UBE2W: variants seen among roughly 807,000 people sequenced by gnomAD.
The protein encoded by UBE2W is ubiquitin-conjugating enzyme E2 W.
A neutral mutation model predicts 27.2 loss-of-function variants in UBE2W; 18 were observed. That is an observed-to-expected ratio of 0.66 (90% CI 0.46 to 0.98). UBE2W has a LOEUF of 0.98. UBE2W is among the 50% of genes least tolerant of loss of function. The pLI, the probability that UBE2W is intolerant of heterozygous loss-of-function variation, is 0.00. For synonymous variants in UBE2W, 53 were observed against 57.2 expected (o/e 0.93, Z 0.33); for missense variants, 90 against 180.2 (o/e 0.50, Z 2.87).
chr8:73,857,476 G>C (rs528426631), intron 1 of UBE2W, among the ~76,000 whole-genome samples: 1 of 142,386 alleles, frequency 7.0e-6, no homozygotes, highest in African/African-American at 2.5e-5. Flanking sequence ...GAGTATGTAA[G>C]ATCAGTATTT....
chr8:73,805,929 T>C (rs1808885028), intron 4 of UBE2W, among the ~76,000 whole-genome samples: 1 of 152,152 alleles, frequency 6.6e-6, no homozygotes, highest in Non-Finnish European at 1.5e-5. Context: ...ATAATAAGCG[T>C]GTTTGAGTGT....
At chr8:73,803,982 G>C (rs1260998713) in intron 5 of UBE2W, among the ~76,000 whole-genome samples, 1 of 151,634 alleles carries the variant, frequency 6.6e-6, no homozygotes, top group Non-Finnish European at 1.5e-5. Context: ...TAGCCAGGAT[G>C]GTCTCAATCT....
chr8:73,804,171 T>C (rs894875442), intron 5 of UBE2W, among the ~76,000 whole-genome samples: 3 of 151,842 alleles, frequency 2.0e-5, no homozygotes, highest in Non-Finnish European at 4.4e-5. Flanking sequence ...TTTAATTCAC[T>C]CAATTTAGGT....
chr8:73,873,930 A>T (rs150898940), intron 1 of UBE2W, among the ~76,000 whole-genome samples: 1 of 152,332 alleles, frequency 6.6e-6, no homozygotes, highest in East Asian at 1.9e-4. Flanking sequence ...ACTTTCTAAG[A>T]TCTTAAGACA....
intron 1 of UBE2W, among the ~76,000 whole-genome samples, chr8:73,842,528 C>CAA (rs759063478): frequency 0.019 from 188 of 9,676 alleles, 58 homozygotes; most frequent in African/African-American, 0.022. Context: ...GACTCCGTCT[C>CAA]AAAAAAAAAA....
At chr8:73,804,786 A>C (rs1808800538) in intron 5 of UBE2W, among the ~76,000 whole-genome samples, 2 of 151,750 alleles carry the variant, frequency 1.3e-5, no homozygotes, top group African/African-American at 2.4e-5. Flanking sequence ...GCTGGAGTAG[A>C]GTAGCGTGAT....
chr8:73,798,078 AG>A, intron 5 of UBE2W, among the ~76,000 whole-genome samples: 1 of 152,318 alleles, frequency 6.6e-6, no homozygotes, highest in Middle Eastern at 3.4e-3. Flanking sequence ...GCTTGAGTCC[AG>A]GAATTTGAGA....
intron 4 of UBE2W, among the ~76,000 whole-genome samples, chr8:73,809,829 T>A (rs1171925360): frequency 6.6e-6 from 1 of 152,168 alleles, no homozygotes; most frequent in African/African-American, 2.4e-5. Flanking sequence ...TTCACCTGCC[T>A]AGGCCTTCTA....
At chr8:73,832,145 A>G (rs1810094674) in intron 1 of UBE2W, among the ~76,000 whole-genome samples, 1 of 150,470 alleles carries the variant, frequency 6.6e-6, no homozygotes, top group South Asian at 2.1e-4. Flanking sequence ...AAATATATAT[A>G]TATATATTAG....
chr8:73,792,156 A>G lies in UBE2W; in HGVS notation c.*1946T>C. On this transcript the variant is annotated 3_prime_UTR_variant, in exon 6 of 6. Coordinates refer to ENST00000602593, the MANE Select transcript of UBE2W (RefSeq NM_018299.6). Reference sequence around the variant, plus strand: ...CAGCTGCAATTTTCATATTAAAAGCAGTTTAAAACTATGAGTAATTCAAAG... The same window carrying G: ...CAGCTGCAATTTTCATATTAAAAGCGGTTTAAAACTATGAGTAATTCAAAG... The G allele has an allele frequency of 3.0e-6, 3 of 985,510 alleles. No homozygotes were observed. Among genetic ancestry groups the G allele is most frequent in the Non-Finnish European group, 3.6e-6 (3 of 829,818 alleles). The allele number at this position is 985,510 out of a possible 1,614,324, so 61.0% of individuals were successfully genotyped here.
At chr8:73,814,863 G>A (rs1418795156) in intron 3 of UBE2W, among the ~76,000 whole-genome samples, 2 of 152,122 alleles carry the variant, frequency 1.3e-5, no homozygotes, top group Non-Finnish European at 2.9e-5. Flanking sequence ...AACATCTCCC[G>A]AGCAGTATGG....
intron 4 of UBE2W, among the ~76,000 whole-genome samples, chr8:73,806,443 TA>T (rs1236212741): frequency 6.8e-6 from 1 of 147,420 alleles, no homozygotes; most frequent in Non-Finnish European, 1.5e-5. Context: ...CTCACGCCTG[TA>T]ATCCCAGCAC....
rs911386663 is a variant in UBE2W, at chr8:73,792,790, A to AT, written c.*1311dup. On this transcript the variant is annotated 3_prime_UTR_variant, in exon 6 of 6. Coordinates refer to ENST00000602593, the MANE Select transcript of UBE2W (RefSeq NM_018299.6). ...GTACTGAGAACTGGACCTTTCAACA[A>AT]TTTTTTTTTTCTATAGAAAGTTTCA... 4.1e-4 allele frequency: 380 copies of AT among 928,826 alleles called. No individual in the cohort carries two copies. The highest frequency in any genetic ancestry group is 5.6e-4 in the Middle Eastern group (1 of 1,790). The allele number at this position is 928,826 out of a possible 1,614,324, so 57.5% of individuals were successfully genotyped here. A position where few individuals can be genotyped will look rare whatever the true frequency, so the allele number is the denominator to read the frequency against.
chr8:73,875,832 C>T (rs1812195322), intron 1 of UBE2W, among the ~76,000 whole-genome samples: 1 of 152,166 alleles, frequency 6.6e-6, no homozygotes, highest in African/African-American at 2.4e-5. Flanking sequence ...AGTGGATCGC[C>T]TGAGGTCAGG....
In UBE2W at chr8:73,792,051, T is replaced by C; in HGVS notation, c.*2051A>G. On this transcript the variant is annotated 3_prime_UTR_variant, in exon 6 of 6. Transcript: ENST00000602593. ...AGAGAACCAGCAATATGGAGACAGA[T>C]TTCTCCCTAACCCCCAGAAGAAGAT... 1.0e-6 allele frequency: 1 copy of C among 985,254 alleles called. No individual in the cohort carries two copies. The highest frequency in any genetic ancestry group is 1.2e-6 in the Non-Finnish European group (1 of 829,790). 61.0% of individuals were successfully genotyped at this position (985,254 alleles called of 1,614,324 possible).
chr8:73,829,848 T>A (rs529455346), intron 2 of UBE2W, among the ~76,000 whole-genome samples: 1 of 152,310 alleles, frequency 6.6e-6, no homozygotes, highest in South Asian at 2.1e-4. Context: ...TAGAGGTTTT[T>A]TTTAAGTGGA....
chr8:73,783,967 T>C (rs550803399), downstream of UBE2W, among the ~76,000 whole-genome samples: 2 of 152,172 alleles, frequency 1.3e-5, no homozygotes, highest in Admixed American at 1.3e-4. Flanking sequence ...GCTAGGCTGA[T>C]CTCAAACTCC....
In UBE2W at chr8:73,853,754, A is replaced by G. The variant is rs116707042; in HGVS notation, c.16-23282T>C. 2.6e-3 allele frequency among the ~76,000 whole-genome samples: 403 copies of G among 152,336 alleles called. 1 individual carries two copies. Among genetic ancestry groups the G allele is most frequent in the African/African-American group, 9.4e-3 (391 of 41,584 alleles). On this transcript the variant is annotated intron_variant, in intron 1 of 5. Coordinates refer to ENST00000602593, the MANE Select transcript of UBE2W (RefSeq NM_018299.6). ...GCTTAAAGTTCCAAATAAACATATTAAAGTAGTATTAATATTCACAGATGA... is the reference window on the plus strand; with the variant it reads ...GCTTAAAGTTCCAAATAAACATATTGAAGTAGTATTAATATTCACAGATGA...
In UBE2W at chr8:73,810,862, C is replaced by T. The variant is rs142350792; in HGVS notation, c.211-233G>A. On this transcript the variant is annotated intron_variant, in intron 3 of 5. Transcript: ENST00000602593. ...AAAGATGCCAAATTATTTTTTATTT[C>T]GGTTATTTTTGATAAATTCTCCTTA... is the stretch of plus-strand genomic sequence containing the variant. 1.2e-3 allele frequency among the ~76,000 whole-genome samples: 188 copies of T among 152,160 alleles called. 1 individual carries two copies. The highest frequency in any genetic ancestry group is 4.3e-3 in the African/African-American group (179 of 41,550).
Sources: gnomAD v4.1 joint callset for allele counts (sites outside exome capture counted in the v4.1 genomes callset) on GRCh38, gnomAD v4.1.1 for gene constraint, MANE v1.5 for transcripts, NCBI Gene and HGNC (gene_info 2026-07-23, HGNC 2026-07-21) for gene names.